Variants in COLGALT1 observed in about 807,000 individuals in gnomAD.
COLGALT1 encodes the protein collagen beta(1-O)galactosyltransferase 1.
COLGALT1 carries 43 observed loss-of-function variants against 60.8 expected under a neutral mutation model. The ratio of observed to expected loss-of-function variants is 0.71; its 90% confidence interval spans 0.55 to 0.91. COLGALT1 has a LOEUF of 0.91. Ranked by LOEUF, COLGALT1 falls within the 40% of genes least tolerant of loss-of-function variation. The pLI is 0.00. For missense variants in COLGALT1, 845 were observed against 880.0 expected (o/e 0.96, Z 0.50); for synonymous variants, 369 against 374.2 (o/e 0.99, Z 0.16).
At chr19:17,559,106 G>T (rs2076232791) in intron 1 of COLGALT1, among the ~76,000 whole-genome samples, 1 of 151,694 alleles carries the variant, frequency 6.6e-6, no homozygotes. Flanking sequence ...CTTGCAGTGA[G>T]CCGAGATCGC....
chr19:17,567,808 G>T (rs1045657996), intron 4 of COLGALT1, among the ~76,000 whole-genome samples: 1 of 151,944 alleles, frequency 6.6e-6, no homozygotes, highest in Non-Finnish European at 1.5e-5. Flanking sequence ...AATTAGCCGG[G>T]TATGGTGGCA....
At chr19:17,577,329 G>T in intron 7 of COLGALT1, 32 bp from the exon 8 acceptor site, 2 of 1,607,324 alleles carry the variant, frequency 1.2e-6, no homozygotes, top group Non-Finnish European at 8.5e-7. Context: ...GTTTGCAGGG[G>T]CTGATCTGGC....
In COLGALT1 at chr19:17,582,806, CAT is replaced by C. The variant is rs905934277; in HGVS notation, c.*1363_*1364del. ...CACAGGTCCTGGTGGCCCCACGCCA[CAT>C]GTTAGCCCCCCTGGAGGGGGCGCCA... On this transcript the variant is annotated 3_prime_UTR_variant, in exon 12 of 12. Transcript: ENST00000252599. The C allele has an allele frequency of 2.6e-5, 4 of 152,322 alleles. No individual in the cohort carries two copies. The highest frequency in any genetic ancestry group is 4.4e-5 in the Non-Finnish European group (3 of 68,086). The allele number at this position is 152,322 out of a possible 1,614,324, so 9.4% of individuals were successfully genotyped here. A position where few individuals can be genotyped will look rare whatever the true frequency, so the allele number is the denominator to read the frequency against.
chr19:17,567,289 A>C (rs1270716213), intron 3 of COLGALT1, 117 bp from the exon 4 acceptor site: 12 of 1,364,106 alleles, frequency 8.8e-6, no homozygotes. Context: ...CATCCGGTGT[A>C]GGGGGTGCTT....
Position 17,581,938 on chromosome 19 carries a change from GTCTGTC to G in COLGALT1, c.*501_*506del, listed in dbSNP as rs935284401. The G allele has an allele frequency of 6.5e-6, 1 of 153,606 alleles. No homozygotes were observed. The highest frequency in any genetic ancestry group is 1.4e-5 in the Non-Finnish European group (1 of 71,866). The allele number at this position is 153,606 out of a possible 1,614,324, so 9.5% of individuals were successfully genotyped here. A position where few individuals can be genotyped will look rare whatever the true frequency, so the allele number is the denominator to read the frequency against. ...TTTTTTTTTTTTTTTTAAGAGTAGA[GTCTGTC>G]TCTGTCACCCAGGCTGGAGTGCAGT... On this transcript the variant is annotated 3_prime_UTR_variant, in exon 12 of 12. Coordinates refer to ENST00000252599, the MANE Select transcript of COLGALT1 (RefSeq NM_024656.4).
chr19:17,578,152 G>T (rs774999477), intron 9 of COLGALT1, 63 bp downstream of exon 9: 112 of 1,469,220 alleles, frequency 7.6e-5, no homozygotes, highest in Middle Eastern at 3.9e-4. Flanking sequence ...AGATTTGGAC[G>T]GGAAAGGGGT....
At position 17,559,430 on chromosome 19, in the gene COLGALT1, C is replaced by G; in HGVS notation, c.371+9C>G. 1 of 1,542,536 alleles carries G rather than the reference C, an allele frequency of 6.5e-7. No homozygotes were observed. Among genetic ancestry groups the G allele is most frequent in the Non-Finnish European group, 8.8e-7 (1 of 1,138,698 alleles). The stretch of plus-strand genomic sequence containing the variant: ...CCAGCAGAGGAGCCCAGGTGAGCAT[C>G]TTTCCCCTGCTCCTAGTCTGATTGG... On this transcript the variant is annotated intron_variant, in intron 2 of 11. Transcript: ENST00000252599.
chr19:17,573,233 TA>T (rs1488014280), intron 6 of COLGALT1, among the ~76,000 whole-genome samples: 1 of 151,672 alleles, frequency 6.6e-6, no homozygotes, highest in African/African-American at 2.4e-5. Context: ...ATCTCTATAT[TA>T]AAAAAAATTT....
intron 1 of COLGALT1, among the ~76,000 whole-genome samples, chr19:17,558,885 C>T (rs190913207): frequency 5.9e-5 from 9 of 151,760 alleles, no homozygotes; most frequent in African/African-American, 1.9e-4. Context: ...ATGGGCCGGG[C>T]GCGGTGGCTC....
At chr19:17,573,538 A>AT (rs902081311) in intron 6 of COLGALT1, among the ~76,000 whole-genome samples, 1 of 151,016 alleles carries the variant, frequency 6.6e-6, no homozygotes, top group African/African-American at 2.4e-5. Context: ...AAAAAAAAAA[A>AT]TTTTTTTTTA....
intron 6 of COLGALT1, 96 bp from the exon 7 acceptor site, chr19:17,577,099 G>C (rs995286289): frequency 1.6e-6 from 2 of 1,273,582 alleles, no homozygotes; most frequent in Non-Finnish European, 2.2e-6. Context: ...GGCCGAGCCA[G>C]TCTGACTGGG....
In COLGALT1 at chr19:17,559,416, G is replaced by A. The variant is rs761515399; in HGVS notation, c.366G>A (p.Glu122=). The stretch of plus-strand genomic sequence containing the variant: ...CCGTGGAGTGGCGGCCAGCAGAGGA[G>A]CCCAGGTGAGCATCTTTCCCCTGCT... ...YHSVEWRPAE[E]PRSYPDEEGP... The change falls in exon 2 of 12, where the codon GAG becomes GAA. Residue 122 remains glutamate, a synonymous_variant. Coordinates refer to ENST00000252599, the MANE Select transcript of COLGALT1 (RefSeq NM_024656.4). The A allele has an allele frequency of 8.4e-6, 13 of 1,550,936 alleles. No individual in the cohort carries two copies. The highest frequency in any genetic ancestry group is 1.1e-5 in the Non-Finnish European group (13 of 1,146,426).
rs762608439 is a variant in COLGALT1 at position 17,555,923 on chromosome 19, G to T, written c.210G>T (p.Thr70=). 6.4e-6 allele frequency: 9 copies of T among 1,397,838 alleles called. No homozygotes were observed. Among genetic ancestry groups the T allele is most frequent in the Admixed American group, 6.2e-5 (2 of 32,114 alleles). The allele number at this position is 1,397,838 out of a possible 1,614,324, so 86.6% of individuals were successfully genotyped here. ...ACGCGGCCCACGCGTTGCCCACCACGCTGGGCGCACTCGAGCGGCTGCGGC... is the reference window on the plus strand; with the variant it reads ...ACGCGGCCCACGCGTTGCCCACCACTCTGGGCGCACTCGAGCGGCTGCGGC... The part of the protein sequence containing the change: ...ARNAAHALPT[T]LGALERLRHP... The change falls in exon 1 of 12, where the codon ACG becomes ACT. Residue 70 remains threonine, a synonymous_variant. Transcript: ENST00000252599.
Position 17,572,560 on chromosome 19 carries a change from G to C in COLGALT1, c.907G>C (p.Asp303His), listed in dbSNP as rs1297504584. ...VPLRAHSTLQ[D>H]EAESFMHVQL... ...ATTGCGCGCCCACAGCACCCTCCAG[G>C]ATGAGGCCGAGAGCTTCATGCATGT... Residue 303 changes from aspartate (D) to histidine (H), a missense_variant, in exon 6 of 12, where the codon GAT becomes CAT. By Grantham distance (81) the Asp-to-His change is moderately conservative. Transcript: ENST00000252599. 1.2e-6 allele frequency: 2 copies of C among 1,614,188 alleles called. No individual in the cohort carries two copies. Among genetic ancestry groups the C allele is most frequent in the East Asian group, 4.5e-5 (2 of 44,878 alleles).
intron 1 of COLGALT1, among the ~76,000 whole-genome samples, chr19:17,558,978 G>A (rs2076231482): frequency 6.6e-6 from 1 of 152,068 alleles, no homozygotes; most frequent in Admixed American, 6.6e-5. Flanking sequence ...GGCCAACATG[G>A]TGAAACCCCG....
chr19:17,572,426 G>A (rs560140972), intron 5 of COLGALT1, 57 bp from the exon 6 acceptor site: 3 of 1,610,614 alleles, frequency 1.9e-6, no homozygotes, highest in East Asian at 2.2e-5. Context: ...TGGAAGGCAT[G>A]AGCCACTGGG....
At chr19:17,568,284 T>C (rs970191630) in intron 4 of COLGALT1, among the ~76,000 whole-genome samples, 3 of 152,096 alleles carry the variant, frequency 2.0e-5, no homozygotes, top group Non-Finnish European at 2.9e-5. Context: ...CTCTCCACAC[T>C]ACCTCTGAAC....
rs1368242682 is a variant in COLGALT1, at chr19:17,564,287, G to A, written c.490-3119G>A. On this transcript the variant is annotated intron_variant, in intron 3 of 11. Transcript: ENST00000252599. ...TGTATGTGTGTGTGTATGTGTGTGC[G>A]TGTGTGTATACATATATACATATAT... 8.0e-5 allele frequency among the ~76,000 whole-genome samples: 12 copies of A among 149,812 alleles called. No individual in the cohort carries two copies. The East Asian group carries it at 1.4e-3, about 18-fold the overall frequency.
intron 10 of COLGALT1, chr19:17,579,860 G>C (rs907111401): frequency 5.2e-5 from 27 of 515,464 alleles, no homozygotes; most frequent in African/African-American, 3.8e-4. Flanking sequence ...CTGTATGTCT[G>C]GGTGTGGTCA....
Sources: gnomAD v4.1 joint callset for allele counts (sites outside exome capture counted in the v4.1 genomes callset) on GRCh38, gnomAD v4.1.1 for gene constraint, MANE v1.5 for transcripts, NCBI Gene and HGNC (gene_info 2026-07-23, HGNC 2026-07-21) for gene names.